The following SRPX variants were observed in gnomAD, a reference collection of about 807,000 sequenced individuals.
The protein encoded by SRPX is sushi repeat-containing protein SRPX.
SRPX carries 24 observed loss-of-function variants against 38.1 expected under a neutral mutation model. The ratio of observed to expected loss-of-function variants is 0.63; its 90% CI spans 0.46 to 0.89. The LOEUF (loss-of-function observed/expected upper bound fraction) is 0.89, where lower values mean the gene tolerates loss of function less well. Among genes scored for constraint, SRPX ranks in the 40% least tolerant of loss-of-function variants. The pLI, the probability that SRPX is intolerant of heterozygous loss-of-function variation, is 0.00. For missense variants in SRPX, 416 were observed against 377.8 expected (o/e 1.10, Z -0.84); for synonymous variants, 184 against 153.8 (o/e 1.20, Z -1.45).
In SRPX at chrX:38,220,346, C is replaced by T. The variant is rs1026534337; in HGVS notation, c.97+350G>A. Among the ~76,000 whole-genome samples the T allele has an allele frequency of 9.7e-5, 11 of 113,374 alleles. No individual in the cohort carries two copies. The South Asian group carries it at 4.0e-3, about 41-fold the overall frequency. On this transcript the variant is annotated intron_variant, in intron 1 of 9. Coordinates refer to ENST00000378533, the MANE Select transcript of SRPX (RefSeq NM_006307.5). Reference sequence around the variant, plus strand: ...GGGCAACCATGTGAGAGGCAAAATTCTGGGGGTGAGAAAGTAGCAAACTAG... The same window carrying T: ...GGGCAACCATGTGAGAGGCAAAATTTTGGGGGTGAGAAAGTAGCAAACTAG...
chrX:38,194,863 G>GTTTTTTTTTTTTTT (rs35179239), intron 1 of SRPX, among the ~76,000 whole-genome samples: 1 of 53,667 alleles, frequency 1.9e-5, no homozygotes, highest in Non-Finnish European at 3.2e-5. Context: ...TTTGTTTTTG[G>GTTTTTTTTTTTTTT]TTTTTTTTTT....
chrX:38,164,727 A>AT, intron 5 of SRPX, 42 bp downstream of exon 5: 2 of 1,201,083 alleles, frequency 1.7e-6, no homozygotes, highest in South Asian at 3.6e-5. Flanking sequence ...AACATCTCAC[A>AT]TAAAAGAGAC....
At chrX:38,175,498 C>T (rs2084714988) in intron 2 of SRPX, among the ~76,000 whole-genome samples, 2 of 111,942 alleles carry the variant, frequency 1.8e-5, no homozygotes, top group Non-Finnish European at 3.8e-5. Flanking sequence ...CTTCACATTT[C>T]CTTCAGCTAA....
chrX:38,183,055 A>T (rs760753080), intron 1 of SRPX, among the ~76,000 whole-genome samples: 9 of 96,612 alleles, frequency 9.3e-5, no homozygotes, highest in African/African-American at 1.9e-4. Context: ...TTCTTGATAG[A>T]TTTTTTTTTT....
chrX:38,172,236 CT>C (rs901708105), intron 3 of SRPX, among the ~76,000 whole-genome samples, 179 bp from the exon 4 acceptor site: 1 of 111,819 alleles, frequency 8.9e-6, no homozygotes, highest in Non-Finnish European at 1.9e-5. Context: ...GGTGGATCAC[CT>C]GACTTCGGGA....
chrX:38,172,983 T>C (rs754305669), intron 3 of SRPX, among the ~76,000 whole-genome samples: 3 of 112,214 alleles, frequency 2.7e-5, no homozygotes, highest in Admixed American at 9.4e-5. Context: ...AGCAAAGTAC[T>C]CAGAAGCTGG....
intron 9 of SRPX, among the ~76,000 whole-genome samples, chrX:38,153,209 T>G (rs1309501892): frequency 9.1e-6 from 1 of 110,382 alleles, no homozygotes; most frequent in African/African-American, 3.3e-5. Flanking sequence ...GTACCCAGCC[T>G]TCTCCATTCA....
intron 4 of SRPX, among the ~76,000 whole-genome samples, chrX:38,171,433 G>A (rs1371626878): frequency 9.0e-6 from 1 of 111,614 alleles, no homozygotes; most frequent in Non-Finnish European, 1.9e-5. Context: ...CAAACCCAGA[G>A]TAAGGCAAAA....
At chrX:38,171,801 C>T in intron 4 of SRPX, 80 bp downstream of exon 4, 1 of 1,026,160 alleles carries the variant, frequency 9.7e-7, no homozygotes, top group Non-Finnish European at 1.3e-6. Context: ...AATAGTGATG[C>T]TCCCTTTACA....
intron 1 of SRPX, among the ~76,000 whole-genome samples, chrX:38,184,277 G>T (rs1013661506): frequency 9.0e-6 from 1 of 111,537 alleles, no homozygotes; most frequent in African/African-American, 3.3e-5. Flanking sequence ...TAGATTTGCT[G>T]GCTCTGTATT....
chrX:38,151,532 G>A (rs1014518496), intron 9 of SRPX, among the ~76,000 whole-genome samples: 27 of 111,127 alleles, frequency 2.4e-4, no homozygotes, highest in African/African-American at 6.2e-4. Flanking sequence ...CCACCACCAC[G>A]GTGCCACCAT....
intron 1 of SRPX, among the ~76,000 whole-genome samples, chrX:38,216,055 A>C: frequency 8.9e-6 from 1 of 111,900 alleles, no homozygotes; most frequent in South Asian, 3.7e-4. Context: ...CTCCCCAGAA[A>C]AAGGACACTC....
At chrX:38,191,954 AG>A (rs1880146930) in intron 1 of SRPX, among the ~76,000 whole-genome samples, 1 of 112,308 alleles carries the variant, frequency 8.9e-6, no homozygotes, top group Non-Finnish European at 1.9e-5. Context: ...AGTTTTTTAC[AG>A]GGTTCCCCAA....
chrX:38,169,833 T>A (rs1938436551), intron 4 of SRPX, among the ~76,000 whole-genome samples: 1 of 112,022 alleles, frequency 8.9e-6, no homozygotes, highest in South Asian at 3.7e-4. Flanking sequence ...ATTCCAACTG[T>A]TCATTGTTCT....
intron 1 of SRPX, among the ~76,000 whole-genome samples, chrX:38,188,374 C>T (rs755792601): frequency 4.5e-5 from 5 of 112,034 alleles, no homozygotes; most frequent in Non-Finnish European, 9.4e-5. Context: ...AGTGCCTCAG[C>T]GATACCAACC....
chrX:38,177,625 T>C (rs1232845168), intron 2 of SRPX, among the ~76,000 whole-genome samples: 2 of 110,072 alleles, frequency 1.8e-5, no homozygotes, highest in Non-Finnish European at 3.8e-5. Flanking sequence ...TAAATTTACC[T>C]TCATTTCTCC....
intron 1 of SRPX, among the ~76,000 whole-genome samples, chrX:38,195,244 T>C (rs1263702163): frequency 5.4e-5 from 6 of 111,195 alleles, no homozygotes; most frequent in Admixed American, 3.8e-4. Context: ...ATACAAAATT[T>C]AGGACATTGG....
chrX:38,195,857 A>G (rs1039539883), intron 1 of SRPX, among the ~76,000 whole-genome samples: 3 of 111,954 alleles, frequency 2.7e-5, no homozygotes, highest in Admixed American at 1.9e-4. Context: ...AGGGCTCAAG[A>G]GTAACGAGAT....
At chrX:38,162,278 G>A (rs1437018321) in intron 5 of SRPX, among the ~76,000 whole-genome samples, 3 of 111,996 alleles carry the variant, frequency 2.7e-5, no homozygotes, top group Non-Finnish European at 5.6e-5. Flanking sequence ...ACAAGGGAGC[G>A]ATAGAGCAGT....
Sources: gnomAD v4.1 joint callset for allele counts (sites outside exome capture counted in the v4.1 genomes callset) on GRCh38, gnomAD v4.1.1 for gene constraint, MANE v1.5 for transcripts, NCBI Gene and HGNC (gene_info 2026-07-23, HGNC 2026-07-21) for gene names.